Variants in TAS2R1 observed in about 807,000 individuals in gnomAD.
TAS2R1 encodes taste 2 receptor member 1.
For missense variants in TAS2R1, 370 were observed against 353.4 expected (o/e 1.05, Z -0.38); for synonymous variants, 141 against 134.2 (o/e 1.05, Z -0.35).
chr5:9,640,015 C>T (rs1380250446), intron 2 of TAS2R1, among the ~76,000 whole-genome samples: 1 of 152,122 alleles, frequency 6.6e-6, no homozygotes, highest in South Asian at 2.1e-4. Context: ...CATTCACAAC[C>T]TAAGCATTTG....
At chr5:9,637,811 TA>T (rs2126478823) in intron 2 of TAS2R1, among the ~76,000 whole-genome samples, 1 of 152,330 alleles carries the variant, frequency 6.6e-6, no homozygotes, top group South Asian at 2.1e-4. Flanking sequence ...TTTATTTTGA[TA>T]ATTTTTCATC....
At chr5:9,778,509 G>A in the TAS2R1 span, among the ~76,000 whole-genome samples, 2 of 152,162 alleles carry the variant, frequency 1.3e-5, no homozygotes, top group East Asian at 3.9e-4. Context: ...AGTCCTAGAT[G>A]GCATCTTCTT....
At chr5:9,709,192 A>G (rs1332831624) in intron 1 of TAS2R1, among the ~76,000 whole-genome samples, 3 of 151,762 alleles carry the variant, frequency 2.0e-5, no homozygotes, top group Non-Finnish European at 4.4e-5. Flanking sequence ...AAAGTAGAAA[A>G]AAAAAAAAAA....
chr5:9,810,454 C>T, the TAS2R1 span, among the ~76,000 whole-genome samples: 1 of 152,092 alleles, frequency 6.6e-6, no homozygotes, highest in Non-Finnish European at 1.5e-5. Context: ...CTCCTCACTT[C>T]CGGGGGAGGT....
At chr5:9,669,503 A>C (rs1740708575) in intron 1 of TAS2R1, among the ~76,000 whole-genome samples, 1 of 152,232 alleles carries the variant, frequency 6.6e-6, no homozygotes, top group East Asian at 1.9e-4. Flanking sequence ...AATCAACCAC[A>C]CAATGGCCAT....
chr5:9,775,429 G>A, the TAS2R1 span, among the ~76,000 whole-genome samples: 2 of 152,152 alleles, frequency 1.3e-5, no homozygotes, highest in African/African-American at 4.8e-5. Context: ...ATCCCACTGT[G>A]GCTGAGCTGG....
At chr5:9,722,736 C>A in the TAS2R1 span, among the ~76,000 whole-genome samples, 1 of 152,214 alleles carries the variant, frequency 6.6e-6, no homozygotes, top group African/African-American at 2.4e-5. Context: ...CAGAAAAATA[C>A]CTCCTGGTAT....
chr5:9,776,537 C>G, the TAS2R1 span, among the ~76,000 whole-genome samples: 1 of 152,174 alleles, frequency 6.6e-6, no homozygotes, highest in Non-Finnish European at 1.5e-5. Context: ...CCCATCTTCT[C>G]CTGCCTCCTC....
At chr5:9,719,788 GGC>G in the TAS2R1 span, among the ~76,000 whole-genome samples, 1 of 151,648 alleles carries the variant, frequency 6.6e-6, no homozygotes. Context: ...CGTGGTGGCG[GGC>G]GCCTGTAGTA....
chr5:9,684,712 G>T (rs1309539201), intron 1 of TAS2R1, among the ~76,000 whole-genome samples: 1 of 151,956 alleles, frequency 6.6e-6, no homozygotes, highest in African/African-American at 2.4e-5. Context: ...TAGAAGACAG[G>T]ATTTTGAATA....
intron 1 of TAS2R1, among the ~76,000 whole-genome samples, chr5:9,693,203 C>A (rs1199353884): frequency 6.6e-6 from 1 of 152,084 alleles, no homozygotes; most frequent in Non-Finnish European, 1.5e-5. Flanking sequence ...TTGTACAATG[C>A]TTATTTTAAA....
chr5:9,663,952 A>G (rs1018608870), intron 1 of TAS2R1, among the ~76,000 whole-genome samples: 1 of 152,218 alleles, frequency 6.6e-6, no homozygotes, highest in African/African-American at 2.4e-5. Context: ...GAAGCTAGGC[A>G]GAGGCATGGA....
chr5:9,694,460 C>A (rs992530610), intron 1 of TAS2R1, among the ~76,000 whole-genome samples: 1 of 152,014 alleles, frequency 6.6e-6, no homozygotes, highest in Admixed American at 6.6e-5. Flanking sequence ...ATTTTGTTAC[C>A]CTACTTACAA....
chr5:9,882,032 T>C, the TAS2R1 span, among the ~76,000 whole-genome samples: 3 of 152,198 alleles, frequency 2.0e-5, no homozygotes, highest in Non-Finnish European at 2.9e-5. Context: ...CTAAAGAGCT[T>C]CTGCACAGCA....
chr5:9,643,164 GA>G (rs1740119921), intron 2 of TAS2R1, among the ~76,000 whole-genome samples: 1 of 152,110 alleles, frequency 6.6e-6, no homozygotes, highest in Non-Finnish European at 1.5e-5. Flanking sequence ...AGGGATAGGG[GA>G]TACACTGTAA....
At chr5:9,807,083 G>A in the TAS2R1 span, among the ~76,000 whole-genome samples, 3 of 151,842 alleles carry the variant, frequency 2.0e-5, no homozygotes, top group Non-Finnish European at 4.4e-5. Context: ...ATCCAAAAGT[G>A]GGCTAAGGAC....
At chr5:9,756,239 G>A in the TAS2R1 span, among the ~76,000 whole-genome samples, 10 of 152,236 alleles carry the variant, frequency 6.6e-5, no homozygotes, top group East Asian at 1.9e-4. Context: ...TGTACCTTAC[G>A]CGAGAGCCTT....
At chr5:9,816,257 C>A in the TAS2R1 span, among the ~76,000 whole-genome samples, 1 of 152,090 alleles carries the variant, frequency 6.6e-6, no homozygotes, top group African/African-American at 2.4e-5. Flanking sequence ...TAAGTCTTAA[C>A]CCTGGCATGC....
the TAS2R1 span, among the ~76,000 whole-genome samples, chr5:9,833,540 T>C: frequency 1.3e-5 from 2 of 152,086 alleles, no homozygotes; most frequent in Non-Finnish European, 2.9e-5. Flanking sequence ...GATGGATAAA[T>C]GCAAGCTGGA....
Sources: gnomAD v4.1 joint callset for allele counts (sites outside exome capture counted in the v4.1 genomes callset) on GRCh38, gnomAD v4.1.1 for gene constraint, MANE v1.5 for transcripts, NCBI Gene and HGNC (gene_info 2026-07-23, HGNC 2026-07-21) for gene names.